Variants in PLXNC1 observed in about 807,000 individuals in gnomAD.
PLXNC1 encodes the protein plexin-C1.
A neutral mutation model predicts 178.2 loss-of-function variants in PLXNC1; 75 were observed. That is an observed-to-expected ratio of 0.42 (90% CI 0.35 to 0.51). The LOEUF is 0.51. Ranked by LOEUF, PLXNC1 falls within the 20% of genes least tolerant of loss-of-function variation. The probability of loss-of-function intolerance (pLI) is 0.02; values close to 1 mark genes in which losing one functional copy is unlikely to be tolerated. For missense variants in PLXNC1, 1,503 were observed against 1,984.4 expected, an observed-to-expected ratio of 0.76 and a Z score of 4.61; for synonymous variants, 790 against 779.9, an observed-to-expected ratio of 1.01 and a Z score of -0.22.
At chr12:94,249,118 C>T (rs1964607919) in intron 14 of PLXNC1, among the ~76,000 whole-genome samples, 1 of 152,186 alleles carries the variant, frequency 6.6e-6, no homozygotes, top group Non-Finnish European at 1.5e-5. Flanking sequence ...AAGGCAACAA[C>T]AAAAATGTGT....
rs1252611827 is a variant in PLXNC1, at chr12:94,260,739, T to C, written c.3349T>C (p.Cys1117Arg). 2 of 1,614,028 alleles carry C rather than the reference T, an allele frequency of 1.2e-6. No individual in the cohort carries two copies. The highest frequency in any genetic ancestry group is 1.7e-6 in the Non-Finnish European group (2 of 1,179,992). The change falls in exon 20 of 31, where the codon TGT (cysteine) becomes CGT (arginine). Residue 1117 changes from cysteine (C) to arginine (R), a missense_variant. By Grantham distance (180) the Cys-to-Arg change is radical. Around this residue, in one of 4 missense-constraint regions of PLXNC1, gnomAD observed 639 missense variants for 979.7 expected, o/e 0.65. Coordinates refer to ENST00000258526, the MANE Select transcript of PLXNC1 (RefSeq NM_005761.3). This position sits in a 1 kb window ranked among gnomAD's most constrained non-coding sequence, Gnocchi z 4.4. ...EVLTRDLMEQ[C>R]SNMQPKLMLR... is the part of the protein sequence containing the mutation. ...GCTGACCAGGGACTTGATGGAACAGTGTAGTAACATGCAGCCGAAACTCAT... is the reference window on the plus strand; with the variant it reads ...GCTGACCAGGGACTTGATGGAACAGCGTAGTAACATGCAGCCGAAACTCAT...
intron 9 of PLXNC1, among the ~76,000 whole-genome samples, chr12:94,230,581 C>G (rs1196137049): frequency 1.3e-5 from 2 of 152,178 alleles, no homozygotes; most frequent in East Asian, 3.8e-4. Flanking sequence ...CAGAATCTCT[C>G]TTTTGTTTGA....
chr12:94,227,643 G>GT (rs1394989375), intron 9 of PLXNC1, among the ~76,000 whole-genome samples: 8 of 151,864 alleles, frequency 5.3e-5, no homozygotes, highest in Admixed American at 2.6e-4. Context: ...CGATTCCGTT[G>GT]TTTTTTTTCA....
chr12:94,236,757 A>G (rs1408331856), intron 9 of PLXNC1, among the ~76,000 whole-genome samples: 1 of 152,240 alleles, frequency 6.6e-6, no homozygotes, highest in Non-Finnish European at 1.5e-5. Flanking sequence ...TCACCGTATT[A>G]TAGAAGAATA....
At chr12:94,177,234 T>TATATATATATATGTGTGTATATATATAC (rs1962127635) in intron 2 of PLXNC1, among the ~76,000 whole-genome samples, 6 of 94,210 alleles carry the variant, frequency 6.4e-5, no homozygotes, top group African/African-American at 2.5e-4. Flanking sequence ...TATATACATA[T>TATATATATATATGTGTGTATATATATAC]ATATATATAT....
intron 3 of PLXNC1, among the ~76,000 whole-genome samples, chr12:94,184,755 T>C (rs1962449859): frequency 6.7e-6 from 1 of 150,058 alleles, no homozygotes; most frequent in African/African-American, 2.5e-5. Context: ...TGTGTTTAAA[T>C]AGACTGAGTA....
intron 12 of PLXNC1, among the ~76,000 whole-genome samples, chr12:94,244,364 G>C (rs1209612672): frequency 6.6e-6 from 1 of 152,214 alleles, no homozygotes; most frequent in African/African-American, 2.4e-5. Flanking sequence ...GTGATATAAA[G>C]AATTGCATTT....
At chr12:94,278,990 T>A (rs1047397120) in intron 21 of PLXNC1, among the ~76,000 whole-genome samples, 12 of 98,646 alleles carry the variant, frequency 1.2e-4, no homozygotes, top group Admixed American at 1.1e-3. Context: ...AGAGCAAGAC[T>A]CCATCTCAAA....
At chr12:94,202,068 T>C (rs1184599049) in intron 4 of PLXNC1, among the ~76,000 whole-genome samples, 2 of 152,116 alleles carry the variant, frequency 1.3e-5, no homozygotes, top group Non-Finnish European at 1.5e-5. Flanking sequence ...CTCTTCCTAC[T>C]ACTCTTGACC....
At position 94,184,188 on chromosome 12, in the gene PLXNC1, C is replaced by T. The variant is rs1281927708; in HGVS notation, c.1339-2185C>T. Among the ~76,000 whole-genome samples the T allele has an allele frequency of 2.0e-5, 3 of 151,610 alleles. No individual in the cohort carries two copies. The East Asian group carries it at 5.8e-4, about 29-fold the overall frequency. Reference sequence around the variant, plus strand: ...CTGGAGTGCAGTGGCGCAATCTCAGCTCACTGCAACCTCCGCCTCCACAGG... The same window carrying T: ...CTGGAGTGCAGTGGCGCAATCTCAGTTCACTGCAACCTCCGCCTCCACAGG... On this transcript the variant is annotated intron_variant, in intron 3 of 30. Coordinates refer to ENST00000258526, the MANE Select transcript of PLXNC1 (RefSeq NM_005761.3).
chr12:94,208,187 G>A lies in PLXNC1; in HGVS notation c.1440-1403G>A, dbSNP rs968578900. Among the ~76,000 whole-genome samples, 34 of 152,300 alleles carry A rather than the reference G, an allele frequency of 2.2e-4. No homozygotes were observed. The South Asian group carries it at 4.3e-3, about 19-fold the overall frequency. ...AAATTTATGGCTTTGGAGAATTGCC[G>A]ATGAAAATCCCCATGGTTATAATGT... On this transcript the variant is annotated intron_variant, in intron 4 of 30. Transcript: ENST00000258526.
Position 94,150,046 on chromosome 12 carries a change from CCCGGGGCGCCGCGGAGAGCGCTGCTG to C in PLXNC1, c.1062+20_1062+45del, listed in dbSNP as rs1960894825. On this transcript the variant is annotated intron_variant, in intron 1 of 30. Transcript: ENST00000258526. ...CGAGAGCCACTGCGTAAGTCCTGCCCCCGGGGCGCCGCGGAGAGCGCTGCTGCCGGGGAGCCGCCGCCGCCGCCGAG... is the reference window on the plus strand; with the variant it reads ...CGAGAGCCACTGCGTAAGTCCTGCCCCCGGGGAGCCGCCGCCGCCGCCGAG... The C allele has an allele frequency of 7.7e-6, 12 of 1,553,290 alleles. No homozygotes were observed. The highest frequency in any genetic ancestry group is 1.2e-5 in the South Asian group (1 of 83,890).
At chr12:94,228,793 C>T (rs1031705322) in intron 9 of PLXNC1, among the ~76,000 whole-genome samples, 1 of 152,124 alleles carries the variant, frequency 6.6e-6, no homozygotes, top group African/African-American at 2.4e-5. Context: ...TTTTGTTTAT[C>T]CATTCATCCA....
At chr12:94,271,532 A>T (rs922066251) in intron 21 of PLXNC1, among the ~76,000 whole-genome samples, 2 of 152,212 alleles carry the variant, frequency 1.3e-5, no homozygotes, top group African/African-American at 4.8e-5. Context: ...TGTGCAGAAG[A>T]GGTGGGGTTT....
intron 4 of PLXNC1, among the ~76,000 whole-genome samples, chr12:94,191,315 T>C (rs1962714640): frequency 6.6e-6 from 1 of 152,276 alleles, no homozygotes; most frequent in Admixed American, 6.5e-5. Flanking sequence ...GGGGATGTTT[T>C]CTTATAATGG....
intron 23 of PLXNC1, 54 bp downstream of exon 23, chr12:94,282,455 A>G (rs1254882354): frequency 7.7e-6 from 9 of 1,170,968 alleles, no homozygotes; most frequent in Admixed American, 1.8e-5. Flanking sequence ...TCCTAGTCCC[A>G]TGGACATTCT....
Position 94,227,488 on chromosome 12 carries a change from A to G in PLXNC1, c.1980+253A>G, listed in dbSNP as rs115565010. 1.9e-3 allele frequency: 644 copies of G among 332,010 alleles called. 2 individuals are homozygous for G. The highest frequency in any genetic ancestry group is 0.013 in the African/African-American group (625 of 47,376). The allele number at this position is 332,010 out of a possible 1,614,324, so 20.6% of individuals were successfully genotyped here. A position where few individuals can be genotyped will look rare whatever the true frequency, so the allele number is the denominator to read the frequency against. Reference sequence around the variant, plus strand: ...GTTGCTCTGGTCGAAATAAAATTGTAAAGGTGACTTTGCGGCTCACTGGTG... The same window carrying G: ...GTTGCTCTGGTCGAAATAAAATTGTGAAGGTGACTTTGCGGCTCACTGGTG... On this transcript the variant is annotated intron_variant, in intron 9 of 30. Transcript: ENST00000258526.
intron 23 of PLXNC1, among the ~76,000 whole-genome samples, chr12:94,284,971 TGA>T (rs1408230141): frequency 6.6e-6 from 1 of 151,976 alleles, no homozygotes; most frequent in African/African-American, 2.4e-5. Context: ...GGATTTCTGG[TGA>T]GGATTGGTGC....
chr12:94,282,482 C>A (rs187396030), intron 23 of PLXNC1, 81 bp downstream of exon 23: 3 of 901,620 alleles, frequency 3.3e-6, no homozygotes, highest in African/African-American at 1.7e-5. Context: ...ACATCCAGGA[C>A]TCCCACCCAT....
Sources: allele counts gnomAD v4.1 joint callset (sites outside exome capture counted in the v4.1 genomes callset), GRCh38; gene constraint gnomAD v4.1.1; regional missense constraint gnomAD v4.1.1; non-coding constraint Gnocchi (gnomAD v3.1); transcripts MANE v1.5; gene names NCBI Gene and HGNC (gene_info 2026-07-23, HGNC 2026-07-21).